The following PLSCR2 variants were observed in gnomAD, a reference collection of about 807,000 sequenced individuals.
PLSCR2 encodes the protein PL scramblase 2.
Under a neutral mutation model 25.3 loss-of-function variants are expected in PLSCR2, and 18 were observed. That is an observed-to-expected ratio of 0.71 (90% CI 0.49 to 1.06). The LOEUF (loss-of-function observed/expected upper bound fraction) is 1.06, where lower values mean the gene tolerates loss of function less well. PLSCR2 is among the 50% of genes least tolerant of loss of function. PLSCR2 has a pLI of 0.00. For missense variants in PLSCR2, 243 were observed against 269.5 expected (o/e 0.90, Z 0.69); for synonymous variants, 88 against 87.3 (o/e 1.01, Z -0.04).
intron 3 of PLSCR2, among the ~76,000 whole-genome samples, chr3:146,393,279 C>T (rs1333817111): frequency 1.3e-5 from 2 of 151,508 alleles, no homozygotes; most frequent in South Asian, 2.1e-4. Context: ...CTACACGCCT[C>T]GGCCTCCCAA....
intron 1 of PLSCR2, among the ~76,000 whole-genome samples, chr3:146,493,782 CGTT>C (rs1294279150): frequency 3.9e-5 from 2 of 51,922 alleles, no homozygotes; most frequent in Admixed American, 4.3e-4. Context: ...TCCAAGGTGG[CGTT>C]TTTTTTTTTT....
intron 1 of PLSCR2, among the ~76,000 whole-genome samples, chr3:146,487,067 C>T (rs530637464): frequency 1.9e-4 from 29 of 152,242 alleles, no homozygotes; most frequent in African/African-American, 7.0e-4. Context: ...ACAAAACCTA[C>T]ATGATTATTT....
chr3:146,412,951 G>C (rs1214565971), intron 2 of PLSCR2, among the ~76,000 whole-genome samples: 1 of 152,190 alleles, frequency 6.6e-6, no homozygotes, highest in African/African-American at 2.4e-5. Context: ...ATTAGAACTG[G>C]CAGGAAAGTT....
intron 8 of PLSCR2, among the ~76,000 whole-genome samples, chr3:146,434,560 T>C (rs1029604091): frequency 6.6e-6 from 1 of 152,058 alleles, no homozygotes; most frequent in Admixed American, 6.6e-5. Flanking sequence ...ATATATGATA[T>C]AATTTTGCCC....
At chr3:146,461,007 G>C (rs1253977776), upstream of PLSCR2, among the ~76,000 whole-genome samples, 4 of 152,112 alleles carry the variant, frequency 2.6e-5, no homozygotes, top group African/African-American at 7.2e-5. Context: ...AAAATCAACA[G>C]AGTTTGAGGA....
chr3:146,455,444 TC>T lies in PLSCR2; in HGVS notation c.115del (p.Glu39LysfsTer39), dbSNP rs1413822432. 8 of 1,603,472 alleles carry T rather than the reference TC, an allele frequency of 5.0e-6. 1 individual carries two copies. The highest frequency in any genetic ancestry group is 1.6e-4 in the Middle Eastern group (1 of 6,074). ...CTTGATTTCATACATGTTACTACTT[TC>T]AAAACTGAATAGAACTAAAAATGAA... On this transcript the variant is annotated frameshift_variant, in exon 4 of 7. Transcript: ENST00000610787. LOFTEE classifies it high-confidence loss of function.
rs77893354 is a variant in PLSCR2 at position 146,455,010 on chromosome 3, C to G, written c.321+229G>C. ...CCTTTCCTTTAATATCAAGAACTCT[C>G]ATTTCTGAGCAGTTGCTCAACCCCA... is the stretch of plus-strand genomic sequence containing the variant. On this transcript the variant is annotated intron_variant, in intron 4 of 6. Transcript: ENST00000610787. 8.2e-4 allele frequency among the ~76,000 whole-genome samples: 125 copies of G among 152,292 alleles called. 2 individuals carry two copies. The East Asian group carries it at 0.022, about 27-fold the overall frequency.
At chr3:146,493,561 G>T (rs546530825) in intron 1 of PLSCR2, among the ~76,000 whole-genome samples, 15 of 152,078 alleles carry the variant, frequency 9.9e-5, no homozygotes, top group African/African-American at 3.1e-4. Flanking sequence ...CATAAAAAAG[G>T]CTTTTGATAA....
At chr3:146,482,204 A>G (rs1159206845) in intron 1 of PLSCR2, among the ~76,000 whole-genome samples, 1 of 152,184 alleles carries the variant, frequency 6.6e-6, no homozygotes, top group Non-Finnish European at 1.5e-5. Flanking sequence ...AACAATGACA[A>G]CAAAAGCCAA....
intron 2 of PLSCR2, among the ~76,000 whole-genome samples, chr3:146,416,192 C>T (rs958201585): frequency 1.1e-4 from 16 of 151,842 alleles, no homozygotes; most frequent in Admixed American, 5.2e-4. Flanking sequence ...CCTCATGATC[C>T]GCCCGCCTCA....
chr3:146,494,142 ATTTTGGTTTTGACCAT>A (rs959676404), intron 1 of PLSCR2, among the ~76,000 whole-genome samples: 13 of 152,184 alleles, frequency 8.5e-5, no homozygotes, highest in African/African-American at 2.9e-4. Context: ...GAGTTCTAAA[ATTTTGGTTTTGACCAT>A]TTTTACCTGG....
intron 8 of PLSCR2, among the ~76,000 whole-genome samples, chr3:146,434,992 A>C (rs935698843): frequency 7.0e-6 from 1 of 142,098 alleles, no homozygotes; most frequent in Non-Finnish European, 1.5e-5. Context: ...TCATTATTCA[A>C]TTCCCACCTA....
Position 146,454,193 on chromosome 3 carries a change from T to A in PLSCR2, c.322-30A>T, listed in dbSNP as rs776251742. On this transcript the variant is annotated intron_variant, in intron 4 of 6. Coordinates refer to ENST00000610787, the Ensembl canonical transcript of PLSCR2. ...AAAAGTAAAATATGTGTGAACGTAATAAATCATCATAATAAAAATATCTAA... is the reference window on the plus strand; with the variant it reads ...AAAAGTAAAATATGTGTGAACGTAAAAAATCATCATAATAAAAATATCTAA... The A allele has an allele frequency of 3.5e-6, 5 of 1,429,286 alleles. No individual in the cohort carries two copies. The South Asian group carries it at 5.3e-5, about 15-fold the overall frequency. 88.5% of individuals were successfully genotyped at this position (1,429,286 alleles called of 1,614,324 possible). A position where few individuals can be genotyped will look rare whatever the true frequency, so the allele number is the denominator to read the frequency against.
At chr3:146,426,203 T>TTCCTTCCCTCCTTCCTTCCCTCCC (rs1553771627) in intron 2 of PLSCR2, among the ~76,000 whole-genome samples, 5 of 127,432 alleles carry the variant, frequency 3.9e-5, no homozygotes, top group Non-Finnish European at 1.6e-5. Context: ...CCTTCCCTCC[T>TTCCTTCCCTCCTTCCTTCCCTCCC]TCCTTCCCTC....
At chr3:146,398,775 C>T (rs7646988) in intron 2 of PLSCR2, 79,911 of 151,812 alleles carry the variant, frequency 0.53, 21,294 homozygotes, top group South Asian at 0.71. Flanking sequence ...GTGAAAGTAT[C>T]GATAAACATA....
At chr3:146,440,148 A>G (rs1559999245), downstream of PLSCR2, among the ~76,000 whole-genome samples, 1 of 152,112 alleles carries the variant, frequency 6.6e-6, no homozygotes, top group Non-Finnish European at 1.5e-5. Flanking sequence ...TTCTTCTCAG[A>G]GGGGTCCCTG....
chr3:146,449,300 T>C (rs958288729), exon 6 of PLSCR2: 4 of 1,611,494 alleles, frequency 2.5e-6, no homozygotes, highest in Non-Finnish European at 3.4e-6. Context: ...AGTAAATGCC[T>C]CTCTTAAAAA....
intron 5 of PLSCR2, among the ~76,000 whole-genome samples, chr3:146,450,615 C>G (rs2040833874): frequency 6.6e-6 from 1 of 152,192 alleles, no homozygotes; most frequent in Non-Finnish European, 1.5e-5. Context: ...AGGTAAATAG[C>G]TACTAGAAAA....
rs951597340 is a variant in PLSCR2, at chr3:146,495,756, A to T, written c.-293+139T>A. 4 of 625,222 alleles carry T rather than the reference A, an allele frequency of 6.4e-6. No homozygotes were observed. In the African/African-American group the frequency reaches 7.4e-5, roughly 12 times the overall value. The allele number at this position is 625,222 out of a possible 1,614,324, so 38.7% of individuals were successfully genotyped here. A position where few individuals can be genotyped will look rare whatever the true frequency, so the allele number is the denominator to read the frequency against. On this transcript the variant is annotated intron_variant, in intron 1 of 8. Transcript: ENST00000336685. ...GTTACAGCAGTTCACACTGTTTAAG[A>T]TACCTAGTATGAGTTTAAGGTCCCC... is the stretch of plus-strand genomic sequence containing the variant.
Sources: allele counts gnomAD v4.1 joint callset (sites outside exome capture counted in the v4.1 genomes callset), GRCh38; gene constraint gnomAD v4.1.1; transcripts MANE v1.5; gene names NCBI Gene and HGNC (gene_info 2026-07-23, HGNC 2026-07-21).